The following SCN8A variants were observed in gnomAD, a reference collection of about 807,000 sequenced individuals.
SCN8A encodes the protein sodium voltage-gated channel alpha subunit 8, also known as sodium channel protein type 8 subunit alpha.
SCN8A carries 30 observed loss-of-function variants against 184.1 expected under a neutral mutation model. The ratio of observed to expected loss-of-function variants is 0.16; its 90% CI spans 0.12 to 0.22. The LOEUF is 0.22. SCN8A is among the 10% of genes least tolerant of loss of function. The probability of loss-of-function intolerance (pLI) is 1.00; values close to 1 mark genes in which losing one functional copy is unlikely to be tolerated. For synonymous variants in SCN8A, 852 were observed against 907.0 expected (o/e 0.94, Z 1.09); for missense variants, 1,057 against 2,498.9 (o/e 0.42, Z 12.30).
chr12:51,738,558 T>G (rs1463169995), intron 12 of SCN8A, among the ~76,000 whole-genome samples: 3 of 152,248 alleles, frequency 2.0e-5, no homozygotes, highest in Non-Finnish European at 4.4e-5. Flanking sequence ...AATAAGCTGC[T>G]TTGCCTTGTT....
intron 22 of SCN8A, 189 bp from the exon 23 acceptor site, chr12:51,788,506 G>A (rs1938153139): frequency 2.6e-6 from 1 of 391,134 alleles, no homozygotes; most frequent in Non-Finnish European, 4.6e-6. Flanking sequence ...AAACTTTGTT[G>A]TTATTTTCAG....
chr12:51,767,007 G>A (rs1488155440), intron 16 of SCN8A, among the ~76,000 whole-genome samples: 1 of 152,130 alleles, frequency 6.6e-6, no homozygotes, highest in African/African-American at 2.4e-5. Flanking sequence ...CCACAGAGAA[G>A]CATGACAGTA....
In SCN8A at chr12:51,663,148, G is replaced by T; in HGVS notation, c.276+55G>T. 1.9e-6 allele frequency: 3 copies of T among 1,571,940 alleles called. No homozygotes were observed. In the South Asian group the frequency reaches 3.5e-5, roughly 18 times the overall value. On this transcript the variant is annotated intron_variant, in intron 2 of 26. Coordinates refer to ENST00000627620, the MANE Select transcript of SCN8A (RefSeq NM_001330260.2). ...ATACCTGTTTCCTAACAGGCTTAGG[G>T]AGATGGGGGAGAAAGAACTGTGTCT...
intron 22 of SCN8A, among the ~76,000 whole-genome samples, chr12:51,787,981 G>A (rs1251009348): frequency 6.6e-6 from 1 of 152,200 alleles, no homozygotes; most frequent in Admixed American, 6.5e-5. Flanking sequence ...TATGCAAGAT[G>A]CTGTGCTTGA....
At chr12:51,780,075 C>T (rs1937846524) in intron 20 of SCN8A, 1 of 296,112 alleles carries the variant, frequency 3.4e-6, no homozygotes, top group Non-Finnish European at 7.0e-6. Flanking sequence ...ATCAGATTCT[C>T]AAACAAATGG....
At chr12:51,766,680 T>C (rs1377997704) in intron 16 of SCN8A, among the ~76,000 whole-genome samples, 1 of 152,236 alleles carries the variant, frequency 6.6e-6, no homozygotes, top group Non-Finnish European at 1.5e-5. Flanking sequence ...CTTCTACCTC[T>C]GTCTTTAGAA....
intron 20 of SCN8A, among the ~76,000 whole-genome samples, chr12:51,775,927 C>A (rs954120557): frequency 1.3e-5 from 2 of 152,198 alleles, no homozygotes; most frequent in Non-Finnish European, 2.9e-5. Flanking sequence ...GGATATTGAT[C>A]AGGTATCCCA....
At chr12:51,608,787 T>G (rs1399927509) in intron 1 of SCN8A, among the ~76,000 whole-genome samples, 1 of 152,180 alleles carries the variant, frequency 6.6e-6, no homozygotes, top group Non-Finnish European at 1.5e-5. Context: ...TTGGGTTTGA[T>G]TTGTTCTTGT....
chr12:51,739,626 G>A (rs1205452080), intron 12 of SCN8A, among the ~76,000 whole-genome samples: 10 of 152,096 alleles, frequency 6.6e-5, no homozygotes, highest in Admixed American at 4.6e-4. Flanking sequence ...TGAGGCATCC[G>A]AGCTCCCCTT....
At chr12:51,609,812 T>C (rs929226505) in intron 1 of SCN8A, among the ~76,000 whole-genome samples, 11 of 108,506 alleles carry the variant, frequency 1.0e-4, no homozygotes, top group Non-Finnish European at 2.0e-4. Flanking sequence ...CCGGGGCCTG[T>C]TGTGGGGTGT....
chr12:51,602,075 A>G (rs1939479244), intron 1 of SCN8A, among the ~76,000 whole-genome samples: 1 of 151,380 alleles, frequency 6.6e-6, no homozygotes, highest in South Asian at 2.1e-4. Flanking sequence ...TTTTCCTTCC[A>G]CAGTTTAATC....
chr12:51,675,468 G>A (rs1459806819), intron 2 of SCN8A, among the ~76,000 whole-genome samples: 1 of 152,224 alleles, frequency 6.6e-6, no homozygotes, highest in Admixed American at 6.5e-5. Context: ...AGCACATGTA[G>A]GGGGTTCCGT....
In SCN8A at chr12:51,769,857, T is replaced by C; in HGVS notation, c.3373-11T>C. 1 of 1,564,914 alleles carries C rather than the reference T, an allele frequency of 6.4e-7. No homozygotes were observed. The highest frequency in any genetic ancestry group is 1.2e-5 in the South Asian group (1 of 85,378). ...AGAGCTGCCTGATCTCCCTTTTCCT[T>C]GCGTGTCTAGAAACTAGATGACACC... On this transcript the variant is annotated splice_polypyrimidine_tract_variant and intron_variant, in intron 17 of 26. Coordinates refer to ENST00000627620, the MANE Select transcript of SCN8A (RefSeq NM_001330260.2).
intron 18 of SCN8A, chr12:51,770,197 C>T (rs1942903288): frequency 5.1e-6 from 3 of 585,766 alleles, no homozygotes; most frequent in Admixed American, 3.2e-5. Context: ...TTTTCATCAT[C>T]CATTTTCTCT....
rs1318894133 is a variant in SCN8A at position 51,790,251 on chromosome 12, C to T, written c.4420-147C>T. 10 of 536,134 alleles carry T rather than the reference C, an allele frequency of 1.9e-5. No homozygotes were observed. In the South Asian group the frequency reaches 2.3e-4, roughly 12 times the overall value. The allele number at this position is 536,134 out of a possible 1,614,324, so 33.2% of individuals were successfully genotyped here. A position where few individuals can be genotyped will look rare whatever the true frequency, so the allele number is the denominator to read the frequency against. Reference sequence around the variant, plus strand: ...TATCTCTTTAGAGCTGAATGATTATCGCGGGTCTACCCCACTCTGGGACAG... The same window carrying T: ...TATCTCTTTAGAGCTGAATGATTATTGCGGGTCTACCCCACTCTGGGACAG... On this transcript the variant is annotated intron_variant, in intron 24 of 26. Transcript: ENST00000627620.
intron 1 of SCN8A, among the ~76,000 whole-genome samples, chr12:51,649,352 C>T (rs1169750550): frequency 2.0e-5 from 3 of 152,242 alleles, no homozygotes; most frequent in African/African-American, 7.2e-5. Context: ...CTTCTCACAG[C>T]TCCACTAGGC....
intron 26 of SCN8A, among the ~76,000 whole-genome samples, chr12:51,803,376 C>G (rs139300160): frequency 0.011 from 1,611 of 151,986 alleles, 25 homozygotes; most frequent in African/African-American, 0.034. Context: ...TGGTGCCCAC[C>G]CACATTGAGG....
chr12:51,792,052 TAATA>T (rs555800679), intron 25 of SCN8A, among the ~76,000 whole-genome samples: 20 of 152,016 alleles, frequency 1.3e-4, no homozygotes, highest in South Asian at 2.1e-4. Context: ...GGGAGATAGA[TAATA>T]AATAAGTAAG....
chr12:51,744,080 T>C (rs902391174), intron 12 of SCN8A, among the ~76,000 whole-genome samples: 10 of 152,222 alleles, frequency 6.6e-5, no homozygotes, highest in Non-Finnish European at 1.5e-4. Flanking sequence ...GGTGGGAGGA[T>C]CACTTGAGGC....
Sources: gnomAD v4.1 joint callset for allele counts (sites outside exome capture counted in the v4.1 genomes callset) on GRCh38, gnomAD v4.1.1 for gene constraint, MANE v1.5 for transcripts, NCBI Gene and HGNC (gene_info 2026-07-23, HGNC 2026-07-21) for gene names.